NIPAL3: variants seen among roughly 807,000 people sequenced by gnomAD.
NIPAL3 encodes NIPA-like protein 3.
Under a neutral mutation model 47.2 loss-of-function variants are expected in NIPAL3, and 41 were observed. That is an observed-to-expected ratio of 0.87 (90% CI 0.68 to 1.13). The LOEUF is 1.13. Ranked by LOEUF, NIPAL3 falls within the 50% of genes most tolerant of loss-of-function variation. The pLI is 0.00. For synonymous variants in NIPAL3, 194 were observed against 209.6 expected (o/e 0.93, Z 0.64); for missense variants, 449 against 530.1 (o/e 0.85, Z 1.50).
intron 1 of NIPAL3, among the ~76,000 whole-genome samples, chr1:24,417,272 G>A (rs78200259): frequency 1.3e-5 from 2 of 152,112 alleles, no homozygotes; most frequent in Non-Finnish European, 1.5e-5. Flanking sequence ...TCTCAGCTGG[G>A]AGCAACTGAA....
intron 4 of NIPAL3, among the ~76,000 whole-genome samples, chr1:24,443,138 G>C (rs1425061519): frequency 2.6e-5 from 4 of 152,058 alleles, no homozygotes; most frequent in African/African-American, 4.8e-5. Context: ...TGTGATTTCT[G>C]TAATCACTGA....
chr1:24,423,513 C>G (rs578120472), intron 2 of NIPAL3, among the ~76,000 whole-genome samples: 9 of 152,176 alleles, frequency 5.9e-5, no homozygotes, highest in African/African-American at 2.2e-4. Context: ...GCCTATAGTC[C>G]CAGCTACTGG....
chr1:24,439,320 A>G (rs772441502), intron 2 of NIPAL3, among the ~76,000 whole-genome samples: 18 of 152,256 alleles, frequency 1.2e-4, no homozygotes, highest in Non-Finnish European at 2.1e-4. Context: ...CAAATTAGGT[A>G]TGCCTGACAG....
At chr1:24,420,734 T>G (rs1277107910) in intron 2 of NIPAL3, among the ~76,000 whole-genome samples, 1 of 152,198 alleles carries the variant, frequency 6.6e-6, no homozygotes, top group Non-Finnish European at 1.5e-5. Context: ...TTCGAATGAT[T>G]GCCCAATAAT....
intron 6 of NIPAL3, among the ~76,000 whole-genome samples, chr1:24,452,236 G>C (rs902344444): frequency 3.3e-5 from 5 of 152,134 alleles, no homozygotes; most frequent in African/African-American, 4.8e-5. Context: ...GATGCAAGGA[G>C]GGGGAGCTTC....
chr1:24,469,280 T>A lies in NIPAL3; in HGVS notation c.*95T>A. ...TGCCTTTCAAGTCTCATTTTGTTTC[T>A]AACTGAGAACTCTATGGATGATGAT... On this transcript the variant is annotated 3_prime_UTR_variant, in exon 12 of 12. Coordinates refer to ENST00000374399, the MANE Select transcript of NIPAL3 (RefSeq NM_020448.5). The A allele has an allele frequency of 2.0e-6, 2 of 1,021,590 alleles. No homozygotes were observed. Among genetic ancestry groups the A allele is most frequent in the Non-Finnish European group, 2.8e-6 (2 of 708,000 alleles). 63.3% of individuals were successfully genotyped at this position (1,021,590 alleles called of 1,614,324 possible). A position where few individuals can be genotyped will look rare whatever the true frequency, so the allele number is the denominator to read the frequency against.
intron 2 of NIPAL3, among the ~76,000 whole-genome samples, chr1:24,426,535 T>C (rs1644599401): frequency 6.6e-6 from 1 of 152,186 alleles, no homozygotes; most frequent in African/African-American, 2.4e-5. Flanking sequence ...CTTCAGGTGA[T>C]CTGAGGAGTC....
In NIPAL3 at chr1:24,454,251, G is replaced by C; in HGVS notation, c.637+747G>C. The C allele has an allele frequency of 8.5e-7, 1 of 1,170,016 alleles. No individual in the cohort carries two copies. The highest frequency in any genetic ancestry group is 1.1e-6 in the Non-Finnish European group (1 of 934,866). The allele number at this position is 1,170,016 out of a possible 1,614,324, so 72.5% of individuals were successfully genotyped here. On this transcript the variant is annotated intron_variant, in intron 7 of 11. Coordinates refer to ENST00000374399, the MANE Select transcript of NIPAL3 (RefSeq NM_020448.5). This position sits in a 1 kb window ranked among gnomAD's most constrained non-coding sequence, Gnocchi z 4.1. ...GTGGGGAATCCATCCTTCCTGAGGA[G>C]AAGCAGACAGAGGCGGAGGAGCAGG...
chr1:24,462,760 C>T (rs1646528875), intron 10 of NIPAL3, among the ~76,000 whole-genome samples: 2 of 151,640 alleles, frequency 1.3e-5, no homozygotes, highest in South Asian at 4.2e-4. Context: ...GAGCAAGACT[C>T]AGTCTCGAAA....
Position 24,454,640 on chromosome 1 carries a change from T to C in NIPAL3, c.637+1136T>C. The C allele has an allele frequency of 1.3e-6, 1 of 759,498 alleles. No individual in the cohort carries two copies. The highest frequency in any genetic ancestry group is 1.6e-6 in the Non-Finnish European group (1 of 623,988). The allele number at this position is 759,498 out of a possible 1,614,324, so 47.0% of individuals were successfully genotyped here. A position where few individuals can be genotyped will look rare whatever the true frequency, so the allele number is the denominator to read the frequency against. ...TGGTTTTTAGTATTTCATAGAGTTG[T>C]GAAACCATCATCCTAATCTAATTTT... On this transcript the variant is annotated intron_variant, in intron 7 of 11. Coordinates refer to ENST00000374399, the MANE Select transcript of NIPAL3 (RefSeq NM_020448.5). The surrounding 1 kb of genome is among the most constrained non-coding windows in gnomAD (Gnocchi z 4.1).
chr1:24,417,722 G>A (rs1644124337), intron 1 of NIPAL3, among the ~76,000 whole-genome samples: 2 of 152,190 alleles, frequency 1.3e-5, no homozygotes, highest in Admixed American at 1.3e-4. Flanking sequence ...TGCTAAACCT[G>A]CATTTGTTGT....
rs766956934 is a variant in NIPAL3 at position 24,449,574 on chromosome 1, C to T, written c.488C>T (p.Thr163Ile). Residue 163 changes from threonine (T) to isoleucine (I), a missense_variant, in exon 6 of 12, where the codon ACA (threonine) becomes ATA (isoleucine). Coordinates refer to ENST00000374399, the MANE Select transcript of NIPAL3 (RefSeq NM_020448.5). The surrounding 1 kb of genome is among the most constrained non-coding windows in gnomAD (Gnocchi z 4.5). ...TFAPNSHEKM[T>I]GENVTRHLVS... ...GCACCCAACAGTCACGAGAAGATGA[C>T]AGGCGAGAATGTCACCAGGCACCTC... The T allele has an allele frequency of 8.1e-6, 13 of 1,614,142 alleles. No homozygotes were observed. The highest frequency in any genetic ancestry group is 1.1e-5 in the Non-Finnish European group (13 of 1,180,036).
chr1:24,419,271 G>T lies in NIPAL3; in HGVS notation c.-257-20G>T, dbSNP rs1024998939. On this transcript the variant is annotated intron_variant, in intron 1 of 11. Transcript: ENST00000374399. ...GTTTCCTTGTCCATGCATTTTTAAT[G>T]TTCCTCTCCACCACCCTAGAGCACC... The T allele has an allele frequency of 8.8e-5, 98 of 1,109,014 alleles. No individual in the cohort carries two copies. The highest frequency in any genetic ancestry group is 1.5e-4 in the Admixed American group (3 of 19,784). The allele number at this position is 1,109,014 out of a possible 1,614,324, so 68.7% of individuals were successfully genotyped here. A position where few individuals can be genotyped will look rare whatever the true frequency, so the allele number is the denominator to read the frequency against.
chr1:24,420,504 C>A (rs1356297209), intron 2 of NIPAL3, among the ~76,000 whole-genome samples: 1 of 150,082 alleles, frequency 6.7e-6, no homozygotes, highest in African/African-American at 2.5e-5. Context: ...GACCCTGATG[C>A]CAAAAAAAAA....
chr1:24,433,749 A>G (rs770470267), intron 2 of NIPAL3, among the ~76,000 whole-genome samples: 1 of 152,246 alleles, frequency 6.6e-6, no homozygotes, highest in Non-Finnish European at 1.5e-5. Context: ...CTGTCTACCC[A>G]TATTGGATGA....
chr1:24,463,933 T>G, intron 10 of NIPAL3, 93 bp from the exon 11 acceptor site: 1 of 1,107,448 alleles, frequency 9.0e-7, no homozygotes, highest in Non-Finnish European at 1.3e-6. Flanking sequence ...CTGCAAGCCT[T>G]TTTACCTCTT....
Position 24,449,729 on chromosome 1 carries a change from C to A in NIPAL3, c.540+103C>A. 1.6e-6 allele frequency: 2 copies of A among 1,273,702 alleles called. No homozygotes were observed. The highest frequency in any genetic ancestry group is 2.1e-6 in the Non-Finnish European group (2 of 930,506). 78.9% of individuals were successfully genotyped at this position (1,273,702 alleles called of 1,614,324 possible). A position where few individuals can be genotyped will look rare whatever the true frequency, so the allele number is the denominator to read the frequency against. On this transcript the variant is annotated intron_variant, in intron 6 of 11. Transcript: ENST00000374399. This position sits in a 1 kb window ranked among gnomAD's most constrained non-coding sequence, Gnocchi z 4.5. ...CAGCAATAGGGGATTCCGTGAGTTG[C>A]GGCACATTTTACCAGCATGAAAGAC...
At chr1:24,458,822 T>C in intron 8 of NIPAL3, 66 bp from the exon 9 acceptor site, 1 of 1,238,604 alleles carries the variant, frequency 8.1e-7, no homozygotes, top group African/African-American at 1.5e-5. Context: ...CAAACTCTAC[T>C]GTTGTCAGCT....
At chr1:24,429,684 T>A (rs758589409) in intron 2 of NIPAL3, among the ~76,000 whole-genome samples, 1 of 152,122 alleles carries the variant, frequency 6.6e-6, no homozygotes, top group East Asian at 1.9e-4. Flanking sequence ...TACAGATAGG[T>A]GCTTGCTTTA....
Sources: gnomAD v4.1 joint callset for allele counts (sites outside exome capture counted in the v4.1 genomes callset) on GRCh38, gnomAD v4.1.1 for gene constraint, Gnocchi (gnomAD v3.1) non-coding constraint, MANE v1.5 for transcripts, NCBI Gene and HGNC (gene_info 2026-07-23, HGNC 2026-07-21) for gene names.